Variants in KIF21A observed in about 807,000 individuals in gnomAD.
The protein encoded by KIF21A is kinesin-like protein KIF21A.
KIF21A carries 114 observed loss-of-function variants against 202.9 expected under a neutral mutation model. The ratio of observed to expected loss-of-function variants is 0.56; its 90% confidence interval spans 0.48 to 0.66. The LOEUF (loss-of-function observed/expected upper bound fraction) is 0.66, where lower values mean the gene tolerates loss of function less well. Among genes scored for constraint, KIF21A ranks in the 30% least tolerant of loss-of-function variants. KIF21A has a pLI of 0.00. For synonymous variants in KIF21A, 667 were observed against 670.8 expected (o/e 0.99, Z 0.09); for missense variants, 1,677 against 1,994.9 (o/e 0.84, Z 3.04).
chr12:39,304,542 G>T (rs555689216), intron 35 of KIF21A, among the ~76,000 whole-genome samples: 56 of 152,156 alleles, frequency 3.7e-4, no homozygotes, highest in Admixed American at 1.4e-3. Flanking sequence ...ATATTTTCGG[G>T]ATAAAAGATC....
intron 37 of KIF21A, among the ~76,000 whole-genome samples, chr12:39,299,672 T>C (rs1440121995): frequency 1.3e-5 from 2 of 152,160 alleles, no homozygotes; most frequent in Non-Finnish European, 2.9e-5. Flanking sequence ...AACAGCACTA[T>C]TCACAATAGC....
At chr12:39,352,020 T>C (rs1360845560) in intron 10 of KIF21A, 40 bp from the exon 11 acceptor site, 1 of 1,413,162 alleles carries the variant, frequency 7.1e-7, no homozygotes, top group African/African-American at 1.4e-5. Flanking sequence ...AGCATTTTTC[T>C]CTGTGGATAA....
chr12:39,349,626 C>T (rs1948201170), intron 11 of KIF21A, among the ~76,000 whole-genome samples: 4 of 152,138 alleles, frequency 2.6e-5, no homozygotes, highest in South Asian at 4.1e-4. Flanking sequence ...TAAATGAGGG[C>T]TTACCTACAT....
At chr12:39,412,709 C>A (rs967141887) in intron 1 of KIF21A, among the ~76,000 whole-genome samples, 4 of 152,000 alleles carry the variant, frequency 2.6e-5, no homozygotes, top group African/African-American at 9.7e-5. Context: ...CAGAGCCAGA[C>A]CCTGTCTCAA....
At chr12:39,296,366 G>GC (rs1173283825) in intron 37 of KIF21A, among the ~76,000 whole-genome samples, 1 of 152,054 alleles carries the variant, frequency 6.6e-6, no homozygotes. Context: ...ACCACGCCTG[G>GC]CCAGGATATG....
At chr12:39,438,176 C>T (rs182241167) in intron 1 of KIF21A, among the ~76,000 whole-genome samples, 6 of 151,818 alleles carry the variant, frequency 4.0e-5, no homozygotes, top group Admixed American at 3.9e-4. Flanking sequence ...TAATGTAGAG[C>T]CAATAAAATA....
chr12:39,347,656 G>A (rs907031103), intron 11 of KIF21A, among the ~76,000 whole-genome samples: 1 of 151,882 alleles, frequency 6.6e-6, no homozygotes, highest in Admixed American at 6.6e-5. Context: ...ATTATAAGAC[G>A]AGACTAGCAA....
chr12:39,434,712 T>G (rs1356942096), intron 1 of KIF21A, among the ~76,000 whole-genome samples: 1 of 152,180 alleles, frequency 6.6e-6, no homozygotes, highest in Non-Finnish European at 1.5e-5. Flanking sequence ...ATATATTATA[T>G]GAATGAATTT....
At chr12:39,416,064 G>A (rs1041640450) in intron 1 of KIF21A, among the ~76,000 whole-genome samples, 1 of 152,038 alleles carries the variant, frequency 6.6e-6, no homozygotes, top group Non-Finnish European at 1.5e-5. Context: ...TATAAGGCAT[G>A]GCCAAAATTC....
chr12:39,376,047 A>G (rs1412191709), intron 1 of KIF21A, among the ~76,000 whole-genome samples: 1 of 152,050 alleles, frequency 6.6e-6, no homozygotes, highest in Non-Finnish European at 1.5e-5. Context: ...TGTGTTAAAG[A>G]ATGCATGATT....
chr12:39,358,070 A>T (rs2138868481), intron 8 of KIF21A, 108 bp downstream of exon 8: 1 of 972,248 alleles, frequency 1.0e-6, no homozygotes. Context: ...GGACACTATT[A>T]TGACAACCAA....
Position 39,379,824 on chromosome 12 carries a change from C to T in KIF21A, c.45-9563G>A, listed in dbSNP as rs541755445. On this transcript the variant is annotated intron_variant, in intron 1 of 37. Transcript: ENST00000361418. The stretch of plus-strand genomic sequence containing the variant: ...ACCTTCTGTTACTAACACCAGAACA[C>T]TGCCTCATCTCTTGTCGCCTCCCTT... Among the ~76,000 whole-genome samples, 18 of 152,332 alleles carry T rather than the reference C, an allele frequency of 1.2e-4. No individual in the cohort carries two copies. In the South Asian group the frequency reaches 3.3e-3, roughly 28 times the overall value.
intron 1 of KIF21A, among the ~76,000 whole-genome samples, chr12:39,375,888 T>C (rs1019997342): frequency 2.6e-5 from 4 of 152,126 alleles, no homozygotes; most frequent in African/African-American, 9.7e-5. Flanking sequence ...ATTATTGCCA[T>C]AGCCACATGA....
chr12:39,309,713 C>A lies in KIF21A; in HGVS notation c.4150G>T (p.Gly1384Trp), dbSNP rs775777214. The A allele has an allele frequency of 1.9e-6, 3 of 1,613,364 alleles. No homozygotes were observed. The highest frequency in any genetic ancestry group is 3.3e-5 in the Admixed American group (2 of 59,962). Residue 1384 changes from glycine to tryptophan, a missense_variant, in exon 33 of 38, where the codon GGG becomes TGG. Physicochemically the swap from Gly to Trp is radical, Grantham distance 184. Transcript: ENST00000361418. ...LVTGQEIMSL[G>W]GHPNNVVSVK... ...GACACGACATTGTTGGGATGACCCCCCAGTGACATTATTTCCTGCCCAGTC... is the reference window on the plus strand; with the variant it reads ...GACACGACATTGTTGGGATGACCCCACAGTGACATTATTTCCTGCCCAGTC...
intron 1 of KIF21A, among the ~76,000 whole-genome samples, chr12:39,389,310 C>T (rs1462200810): frequency 6.6e-6 from 1 of 151,956 alleles, no homozygotes; most frequent in Admixed American, 6.6e-5. Flanking sequence ...TTCACATATG[C>T]TTTTATGTAC....
intron 37 of KIF21A, among the ~76,000 whole-genome samples, chr12:39,298,687 T>C (rs1203915805): frequency 6.6e-6 from 1 of 152,078 alleles, no homozygotes; most frequent in Admixed American, 6.6e-5. Flanking sequence ...GAATAAAAAG[T>C]ACAACAAAAT....
chr12:39,389,269 T>A (rs2139612391), intron 1 of KIF21A, among the ~76,000 whole-genome samples: 1 of 152,014 alleles, frequency 6.6e-6, no homozygotes, highest in African/African-American at 2.4e-5. Context: ...AAATAGTTAA[T>A]AATATTGTAT....
chr12:39,346,222 C>G (rs1014460998), intron 12 of KIF21A, among the ~76,000 whole-genome samples: 1 of 151,876 alleles, frequency 6.6e-6, no homozygotes, highest in African/African-American at 2.4e-5. Flanking sequence ...ATAGTTTATT[C>G]TGTAATCACA....
At position 39,367,893 on chromosome 12, in the gene KIF21A, G is replaced by C; in HGVS notation, c.590C>G (p.Thr197Arg). The C allele has an allele frequency of 6.2e-7, 1 of 1,607,438 alleles. No individual in the cohort carries two copies. The highest frequency in any genetic ancestry group is 8.5e-7 in the Non-Finnish European group (1 of 1,174,540). Residue 197 changes from threonine to arginine, a missense_variant, in exon 4 of 38, where the codon ACA becomes AGA. Around this residue, in one of 3 missense-constraint regions of KIF21A, gnomAD observed 966 missense variants for 1,180.9 expected, o/e 0.82. Transcript: ENST00000361418. Reference sequence around the variant, plus strand: ...TAATATAAATATTACCTCTGATTCTGTATTCACAGTACGTGTTGTAACGCC... The same window carrying C: ...TAATATAAATATTACCTCTGATTCTCTATTCACAGTACGTGTTGTAACGCC... ...TVGVTTRTVN[T>R]ESEMMQCLKL...
Sources: gnomAD v4.1 joint callset for allele counts (sites outside exome capture counted in the v4.1 genomes callset) on GRCh38, gnomAD v4.1.1 for gene constraint, gnomAD v4.1.1 regional missense constraint, MANE v1.5 for transcripts, NCBI Gene and HGNC (gene_info 2026-07-23, HGNC 2026-07-21) for gene names.